The following DLGAP5 variants were observed in gnomAD, a reference collection of about 807,000 sequenced individuals.
The protein encoded by DLGAP5 is disks large-associated protein 5.
A neutral mutation model predicts 99.6 loss-of-function variants in DLGAP5; 90 were observed. The observed-to-expected ratio is 0.90, with a 90% CI of 0.76 to 1.08. The LOEUF (loss-of-function observed/expected upper bound fraction) is 1.08, where lower values mean the gene tolerates loss of function less well. Ranked by LOEUF, DLGAP5 falls within the 50% of genes least tolerant of loss-of-function variation. The pLI is 0.00. For missense variants in DLGAP5, 1,036 were observed against 983.5 expected (o/e 1.05, Z -0.71); for synonymous variants, 311 against 321.3 (o/e 0.97, Z 0.34).
rs1883094928 is a variant in DLGAP5 at position 55,177,087 on chromosome 14, T to C, written c.1024A>G (p.Thr342Ala). Residue 342 changes from threonine (T) to alanine (A), a missense_variant, in exon 8 of 19, where the codon ACC becomes GCC. Coordinates refer to ENST00000247191, the MANE Select transcript of DLGAP5 (RefSeq NM_014750.5). ...ACTTCTGTTTTTAAAGGAGTCCAGG[T>C]GTAACTGGGTGTCAAAAAAGCATTG... Reference protein sequence around the residue: ...SANAFLTPSYTWTPLKTEVDE... With the variant: ...SANAFLTPSYAWTPLKTEVDE... 6.6e-7 allele frequency: 1 copy of C among 1,506,962 alleles called. No individual in the cohort carries two copies. Among genetic ancestry groups the C allele is most frequent in the Admixed American group, 2.3e-5 (1 of 42,964 alleles). The allele number at this position is 1,506,962 out of a possible 1,614,324, so 93.3% of individuals were successfully genotyped here.
At chr14:55,176,976 GA>G (rs34109336) in intron 8 of DLGAP5, 85 bp downstream of exon 8, 29,125 of 252,208 alleles carry the variant, frequency 0.12, 42 homozygotes, top group Non-Finnish European at 0.13. Flanking sequence ...AACTCCGTCT[GA>G]AAAAAAAAAA....
intron 14 of DLGAP5, among the ~76,000 whole-genome samples, chr14:55,157,505 A>G (rs1882254319): frequency 6.6e-6 from 1 of 152,174 alleles, no homozygotes; most frequent in South Asian, 2.1e-4. Flanking sequence ...CTTTGAAAAA[A>G]CTTCCTGGTG....
intron 7 of DLGAP5, among the ~76,000 whole-genome samples, chr14:55,179,110 A>C (rs766230813): frequency 3.9e-5 from 6 of 152,150 alleles, no homozygotes; most frequent in Non-Finnish European, 8.8e-5. Flanking sequence ...TGGGTCCTCA[A>C]ATGGGGCATC....
In DLGAP5 at chr14:55,148,259, A is replaced by T; in HGVS notation, c.*92T>A. On this transcript the variant is annotated 3_prime_UTR_variant, in exon 19 of 19. Coordinates refer to ENST00000247191, the MANE Select transcript of DLGAP5 (RefSeq NM_014750.5). ...TAAAACATTATATGCTATAGAAGTG[A>T]ACACAAATACATTTTCTCCAAAATT... 7.6e-7 allele frequency: 1 copy of T among 1,314,196 alleles called. No homozygotes were observed. The allele number at this position is 1,314,196 out of a possible 1,614,324, so 81.4% of individuals were successfully genotyped here. A position where few individuals can be genotyped will look rare whatever the true frequency, so the allele number is the denominator to read the frequency against.
intron 16 of DLGAP5, 109 bp from the exon 17 acceptor site, chr14:55,152,050 G>A: frequency 1.0e-6 from 1 of 998,672 alleles, no homozygotes; most frequent in Non-Finnish European, 1.5e-6. Flanking sequence ...TGACATCCCG[G>A]ACACAGTCTT....
intron 12 of DLGAP5, among the ~76,000 whole-genome samples, chr14:55,164,944 T>G (rs1186551194): frequency 7.2e-6 from 1 of 138,684 alleles, no homozygotes; most frequent in Non-Finnish European, 1.5e-5. Flanking sequence ...AAAAGAGAAA[T>G]TTGATAAATT....
Position 55,174,544 on chromosome 14 carries a change from C to T in DLGAP5, c.1301+802G>A, listed in dbSNP as rs570890850. Among the ~76,000 whole-genome samples the T allele has an allele frequency of 5.8e-4, 88 of 152,264 alleles. 1 individual carries two copies. Among genetic ancestry groups the T allele is most frequent in the Middle Eastern group, 6.8e-3 (2 of 294 alleles). ...AGCTTGTGGGGCATCACGGAACCTA[C>T]CGACATGTGATGTCTCCCCCGGATG... On this transcript the variant is annotated intron_variant, in intron 10 of 18. Transcript: ENST00000247191.
At chr14:55,154,244 T>C (rs929265256) in intron 15 of DLGAP5, among the ~76,000 whole-genome samples, 2 of 152,232 alleles carry the variant, frequency 1.3e-5, no homozygotes, top group Non-Finnish European at 2.9e-5. Context: ...TGCTGCTTTG[T>C]AGATGATGAA....
chr14:55,175,565 T>C (rs943926725), intron 9 of DLGAP5, 93 bp from the exon 10 acceptor site: 2 of 838,224 alleles, frequency 2.4e-6, no homozygotes, highest in East Asian at 2.8e-5. Flanking sequence ...TCCTTTTCAA[T>C]GTTTAATTTT....
At position 55,150,800 on chromosome 14, in the gene DLGAP5, G is replaced by T; in HGVS notation, c.2417C>A (p.Ser806Ter). 1 of 1,571,628 alleles carries T rather than the reference G, an allele frequency of 6.4e-7. No individual in the cohort carries two copies. Among genetic ancestry groups the T allele is most frequent in the South Asian group, 1.2e-5 (1 of 82,956 alleles). ...SLTTECHLLD[S>*]PGLNCSNPFT... ...GACTTGTCAAGTTGGAAAACTTACTGAATCAAGAAGGTGGCATTCAGTAGT... is the reference window on the plus strand; with the variant it reads ...GACTTGTCAAGTTGGAAAACTTACTTAATCAAGAAGGTGGCATTCAGTAGT... Residue 806 changes from serine (S) to a stop codon, truncating the protein, a stop_gained and splice_region_variant, in exon 18 of 19, where the codon TCA becomes TAA. Transcript: ENST00000247191. LOFTEE classifies it low-confidence loss of function (END_TRUNC).
chr14:55,174,969 G>A (rs571149176), intron 10 of DLGAP5, among the ~76,000 whole-genome samples: 32 of 152,284 alleles, frequency 2.1e-4, no homozygotes, highest in East Asian at 5.8e-4. Flanking sequence ...GATTACAGGC[G>A]TGAGCCACCG....
intron 18 of DLGAP5, chr14:55,150,531 A>G (rs1394612467): frequency 4.4e-6 from 1 of 229,798 alleles, no homozygotes; most frequent in East Asian, 1.0e-4. Context: ...TTAGAAATAT[A>G]TTCAGATATT....
At chr14:55,159,322 A>C (rs139849678) in intron 13 of DLGAP5, among the ~76,000 whole-genome samples, 1 of 152,304 alleles carries the variant, frequency 6.6e-6, no homozygotes, top group East Asian at 1.9e-4. Flanking sequence ...GGTCTTAAGA[A>C]AGTCACATTT....
In DLGAP5 at chr14:55,189,501, A is replaced by T. The variant is rs1293734800; in HGVS notation, c.-1-321T>A. On this transcript the variant is annotated intron_variant, in intron 1 of 18. Coordinates refer to ENST00000247191, the MANE Select transcript of DLGAP5 (RefSeq NM_014750.5). ...CGTGAAATAAAGGTGAAAATAGGTT[A>T]AGTGAAGGACCATGTACACAAGGGT... 3.3e-5 allele frequency among the ~76,000 whole-genome samples: 5 copies of T among 152,284 alleles called. No individual in the cohort carries two copies. In the East Asian group the frequency reaches 7.7e-4, roughly 23 times the overall value.
chr14:55,166,596 G>T (rs947211352), intron 12 of DLGAP5, among the ~76,000 whole-genome samples: 11 of 152,016 alleles, frequency 7.2e-5, no homozygotes, highest in African/African-American at 2.4e-4. Flanking sequence ...AGGCACGGTG[G>T]CACATGACTG....
intron 2 of DLGAP5, among the ~76,000 whole-genome samples, chr14:55,184,674 G>A (rs1008960152): frequency 6.6e-6 from 1 of 152,126 alleles, no homozygotes; most frequent in East Asian, 1.9e-4. Flanking sequence ...TGCCATGTGG[G>A]GCCTTAAGAA....
At chr14:55,151,630 TTA>T in intron 17 of DLGAP5, 63 bp downstream of exon 17, 1 of 1,508,314 alleles carries the variant, frequency 6.6e-7, no homozygotes, top group South Asian at 1.3e-5. Context: ...ATAGGATAAT[TTA>T]TACCTTAATC....
intron 10 of DLGAP5, among the ~76,000 whole-genome samples, chr14:55,171,085 A>T (rs758910819): frequency 2.6e-5 from 4 of 152,234 alleles, no homozygotes; most frequent in Non-Finnish European, 5.9e-5. Flanking sequence ...GGTTGATCAA[A>T]GTCAGACATT....
At position 55,170,780 on chromosome 14, in the gene DLGAP5, G is replaced by T. The variant is rs747478578; in HGVS notation, c.1309C>A (p.Leu437Ile). Residue 437 changes from leucine (L) to isoleucine (I), a missense_variant, in exon 11 of 19, where the codon CTC (leucine) becomes ATC (isoleucine). Physicochemically the swap from Leu to Ile is conservative, Grantham distance 5 (BLOSUM62 2). Transcript: ENST00000247191. Reference protein sequence around the residue: ...HHGVPYFRNILQSETEKLTSH... With the variant: ...HHGVPYFRNIIQSETEKLTSH... ...GTTAATTTCTCAGTTTCTGACTGGA[G>T]GATATTTCTAAAATTATGACATACA... 17 of 1,612,974 alleles carry T rather than the reference G, an allele frequency of 1.1e-5. No homozygotes were observed. Among genetic ancestry groups the T allele is most frequent in the Non-Finnish European group, 1.4e-5 (17 of 1,179,286 alleles).
Sources: gnomAD v4.1 joint callset for allele counts (sites outside exome capture counted in the v4.1 genomes callset) on GRCh38, gnomAD v4.1.1 for gene constraint, MANE v1.5 for transcripts, NCBI Gene and HGNC (gene_info 2026-07-23, HGNC 2026-07-21) for gene names.